CDYL: variants seen among roughly 807,000 people sequenced by gnomAD.
The protein encoded by CDYL is chromodomain Y-like protein.
CDYL carries 8 observed loss-of-function variants against 47.3 expected under a neutral mutation model. The observed-to-expected ratio is 0.17, with a 90% confidence interval of 0.10 to 0.31. The LOEUF (loss-of-function observed/expected upper bound fraction) is 0.31. CDYL is among the 10% of genes least tolerant of loss of function. The pLI is 1.00. For missense variants in CDYL, 471 were observed against 701.4 expected (o/e 0.67, Z 3.71); for synonymous variants, 266 against 265.0 (o/e 1.00, Z -0.04).
intron 2 of CDYL, among the ~76,000 whole-genome samples, chr6:4,897,813 G>A (rs1762330131): frequency 1.5e-5 from 1 of 65,198 alleles, no homozygotes; most frequent in South Asian, 5.1e-4. Flanking sequence ...AAATTATCCA[G>A]GCATGAGGCC....
At chr6:4,945,628 A>G (rs1581288457) in intron 5 of CDYL, among the ~76,000 whole-genome samples, 2 of 152,226 alleles carry the variant, frequency 1.3e-5, no homozygotes, top group African/African-American at 4.8e-5. Flanking sequence ...CCTGCATCCC[A>G]TTTCCCAGGC....
chr6:4,842,305 C>A (rs1760526304), intron 1 of CDYL, among the ~76,000 whole-genome samples: 1 of 147,074 alleles, frequency 6.8e-6, no homozygotes, highest in South Asian at 2.1e-4. Flanking sequence ...AGTTACAGTC[C>A]ATTGTTTCTT....
intron 3 of CDYL, among the ~76,000 whole-genome samples, chr6:4,742,046 C>T (rs753604360): frequency 2.0e-5 from 3 of 152,028 alleles, no homozygotes; most frequent in Non-Finnish European, 2.9e-5. Flanking sequence ...TAAGCAGACA[C>T]ACAGAAAAAC....
intron 1 of CDYL, among the ~76,000 whole-genome samples, chr6:4,860,064 G>C (rs763481730): frequency 2.6e-4 from 40 of 151,762 alleles, no homozygotes; most frequent in Non-Finnish European, 5.2e-4. Flanking sequence ...ACTACCCCCA[G>C]CTAATTTTTT....
At chr6:4,791,686 C>T (rs1013834022) in intron 1 of CDYL, among the ~76,000 whole-genome samples, 22 of 151,380 alleles carry the variant, frequency 1.5e-4, no homozygotes, top group Non-Finnish European at 2.6e-4. Context: ...TGCGTGTTTA[C>T]TGAGCAAAGA....
intron 2 of CDYL, among the ~76,000 whole-genome samples, chr6:4,731,147 A>G (rs1757598140): frequency 6.6e-6 from 1 of 152,164 alleles, no homozygotes; most frequent in South Asian, 2.1e-4. Flanking sequence ...CCGGAACGTT[A>G]CACTTCTGGT....
At chr6:4,870,484 C>T (rs1220025365) in intron 1 of CDYL, among the ~76,000 whole-genome samples, 1 of 152,120 alleles carries the variant, frequency 6.6e-6, no homozygotes, top group Non-Finnish European at 1.5e-5. Flanking sequence ...GTCTAAGAAT[C>T]TCTTTGTGTT....
chr6:4,815,996 C>T (rs1319313776), intron 1 of CDYL, among the ~76,000 whole-genome samples: 3 of 143,948 alleles, frequency 2.1e-5, no homozygotes, highest in Non-Finnish European at 3.0e-5. Context: ...TGACGTTATC[C>T]TATTGGAGGA....
At chr6:4,710,336 GAAGGGAGGGAGA>G (rs1481820328) in intron 1 of CDYL, among the ~76,000 whole-genome samples, 1 of 147,286 alleles carries the variant, frequency 6.8e-6, no homozygotes, top group South Asian at 2.2e-4. Flanking sequence ...AAGAAAGGAG[GAAGGGAGGGAGA>G]AAGGGAGGGA....
intron 1 of CDYL, among the ~76,000 whole-genome samples, chr6:4,873,061 G>A (rs1015646805): frequency 1.3e-5 from 2 of 152,170 alleles, no homozygotes; most frequent in Non-Finnish European, 2.9e-5. Flanking sequence ...GCAGCTGTGT[G>A]GGAAAAGTTC....
chr6:4,889,936 G>A, intron 1 of CDYL: 2 of 983,688 alleles, frequency 2.0e-6, no homozygotes, highest in Non-Finnish European at 2.4e-6. Context: ...ATCTGCCTGG[G>A]GCCTGGCAGC....
At chr6:4,770,244 T>A (rs563855945) in intron 3 of CDYL, among the ~76,000 whole-genome samples, 1 of 152,124 alleles carries the variant, frequency 6.6e-6, no homozygotes, top group Non-Finnish European at 1.5e-5. Flanking sequence ...GTGCCTGGCA[T>A]ACAATAAATG....
At chr6:4,797,173 CTTTAA>C (rs3055080) in intron 1 of CDYL, among the ~76,000 whole-genome samples, 12,960 of 151,942 alleles carry the variant, frequency 0.085, 654 homozygotes, top group South Asian at 0.14. Context: ...ATGTATATTA[CTTTAA>C]TTTATATCCA....
At chr6:4,866,273 A>T (rs1361397121) in intron 1 of CDYL, among the ~76,000 whole-genome samples, 3 of 152,196 alleles carry the variant, frequency 2.0e-5, no homozygotes, top group African/African-American at 7.2e-5. Flanking sequence ...TTTCTTTAAG[A>T]ATGTTAAAGA....
intron 2 of CDYL, among the ~76,000 whole-genome samples, chr6:4,731,782 C>G (rs758824440): frequency 6.6e-6 from 1 of 151,694 alleles, no homozygotes; most frequent in Non-Finnish European, 1.5e-5. Context: ...CATCGCACCA[C>G]TGCACTCCAG....
At position 4,725,835 on chromosome 6, in the gene CDYL, T is replaced by G. The variant is rs79530078; in HGVS notation, c.104-8927T>G. Among the ~76,000 whole-genome samples, 190 of 152,344 alleles carry G rather than the reference T, an allele frequency of 1.2e-3. 6 individuals are homozygous for G. The East Asian group carries it at 0.036, about 29-fold the overall frequency. On this transcript the variant is annotated intron_variant, in intron 2 of 8. Coordinates refer to the CDYL transcript ENST00000328908. The stretch of plus-strand genomic sequence containing the variant: ...GGAGGCGCCGAGAGCGAGCGAGGGC[T>G]GTGAACAAACTCCGGACACGCTGTC...
At chr6:4,949,246 T>A (rs1167503613) in intron 5 of CDYL, among the ~76,000 whole-genome samples, 2 of 152,210 alleles carry the variant, frequency 1.3e-5, no homozygotes, top group Non-Finnish European at 2.9e-5. Flanking sequence ...CTTGCACCTC[T>A]CAGGGGCCTG....
intron 2 of CDYL, among the ~76,000 whole-genome samples, chr6:4,918,966 A>G (rs952466691): frequency 6.6e-6 from 1 of 152,366 alleles, no homozygotes; most frequent in South Asian, 2.1e-4. Context: ...ATAGTAATCT[A>G]TAAGTATGGG....
chr6:4,935,012 C>T (rs1031976054), intron 2 of CDYL, among the ~76,000 whole-genome samples: 9 of 152,218 alleles, frequency 5.9e-5, no homozygotes, highest in African/African-American at 2.2e-4. Flanking sequence ...GGGTGGTGGT[C>T]TGAAGTGGTG....
Sources: gnomAD v4.1 joint callset for allele counts (sites outside exome capture counted in the v4.1 genomes callset) on GRCh38, gnomAD v4.1.1 for gene constraint, MANE v1.5 for transcripts, NCBI Gene and HGNC (gene_info 2026-07-23, HGNC 2026-07-21) for gene names.